INPP5D: variants seen among roughly 807,000 people sequenced by gnomAD.
INPP5D encodes phosphatidylinositol 3,4,5-trisphosphate 5-phosphatase 1.
In INPP5D, 33 loss-of-function variants were observed where a neutral mutation model predicts 122.9. The observed-to-expected ratio is 0.27, with a 90% confidence interval of 0.20 to 0.36. INPP5D has a LOEUF of 0.36. INPP5D is among the 10% of genes least tolerant of loss of function. The pLI is 1.00. For missense variants in INPP5D, 1,053 were observed against 1,412.7 expected (o/e 0.75, Z 4.08); for synonymous variants, 584 against 576.2 (o/e 1.01, Z -0.19).
rs774161204 is a variant in INPP5D, at chr2:233,198,174, A to G, written c.2773A>G (p.Met925Val). ...YMGVGPFGPP[M>V]PLHVKQTLSP... Reference sequence around the variant, plus strand: ...GGGAGTGGGGCCCTTTGGGCCACCAATGCCCCTGCACGTGAAGCAGACCTT... The same window carrying G: ...GGGAGTGGGGCCCTTTGGGCCACCAGTGCCCCTGCACGTGAAGCAGACCTT... The change falls in exon 25 of 27, where the codon ATG (methionine) becomes GTG (valine). Residue 925 changes from methionine to valine, a missense_variant. Physicochemically the swap from Met to Val is conservative, Grantham distance 21. This residue lies in a region of INPP5D where 417 missense variants were observed against 425.8 expected (regional missense o/e 0.98). Transcript: ENST00000445964. 3.3e-5 allele frequency: 54 copies of G among 1,613,424 alleles called. No individual in the cohort carries two copies. The highest frequency in any genetic ancestry group is 4.3e-5 in the Non-Finnish European group (51 of 1,179,886).
rs535596435 is a variant in INPP5D, at chr2:233,078,839, C to T, written c.135-496C>T. Among the ~76,000 whole-genome samples the T allele has an allele frequency of 1.1e-4, 16 of 152,206 alleles. No individual in the cohort carries two copies. In the South Asian group the frequency reaches 2.3e-3, roughly 22 times the overall value. ...CTGGGACTACAGGTGTGCGCCACCA[C>T]GCCCAGCTAATTTTTGTATTTTTAG... On this transcript the variant is annotated intron_variant, in intron 1 of 26. Transcript: ENST00000445964. This position sits in a 1 kb window ranked among gnomAD's most constrained non-coding sequence, Gnocchi z 4.6.
intron 1 of INPP5D, among the ~76,000 whole-genome samples, chr2:233,071,696 A>C (rs1691387151): frequency 1.3e-5 from 2 of 152,148 alleles, no homozygotes; most frequent in Non-Finnish European, 2.9e-5. Flanking sequence ...TAAATTTTGT[A>C]ATTTTCTTCA....
chr2:233,084,301 C>T (rs550136550), intron 2 of INPP5D, among the ~76,000 whole-genome samples: 4 of 152,348 alleles, frequency 2.6e-5, no homozygotes, highest in South Asian at 4.1e-4. Flanking sequence ...GTGATCCACC[C>T]GCCTCAGCCT....
rs972362408 is a variant in INPP5D, at chr2:233,197,637, T to C, written c.2694-458T>C. Among the ~76,000 whole-genome samples the C allele has an allele frequency of 2.6e-5, 4 of 152,204 alleles. No homozygotes were observed. Among genetic ancestry groups the C allele is most frequent in the African/African-American group, 7.2e-5 (3 of 41,448 alleles). On this transcript the variant is annotated intron_variant, in intron 24 of 26. Coordinates refer to ENST00000445964, the MANE Select transcript of INPP5D (RefSeq NM_001017915.3). This position sits in a 1 kb window ranked among gnomAD's most constrained non-coding sequence, Gnocchi z 4.4. ...AGAACAGTCTCCCCTTCTTTCTCTC[T>C]TATCTGCTTATCTTCTTATCTCAGA...
At chr2:233,119,176 C>T (rs1215828131) in intron 2 of INPP5D, among the ~76,000 whole-genome samples, 1 of 152,226 alleles carries the variant, frequency 6.6e-6, no homozygotes, top group Non-Finnish European at 1.5e-5. Context: ...ATTCCCAAAT[C>T]TCACATGCTC....
intron 4 of INPP5D, among the ~76,000 whole-genome samples, chr2:233,126,364 G>A (rs1290027769): frequency 6.6e-6 from 1 of 152,206 alleles, no homozygotes; most frequent in Admixed American, 6.5e-5. Context: ...GAGGCTGCCA[G>A]GGCTGCCCTC....
chr2:233,201,261 T>C (rs983036671), intron 25 of INPP5D, among the ~76,000 whole-genome samples: 8 of 152,160 alleles, frequency 5.3e-5, no homozygotes, highest in African/African-American at 1.9e-4. Context: ...CCCCAGGAAA[T>C]GGAGCTCTAA....
chr2:233,152,854 G>T (rs1310419735), intron 9 of INPP5D, among the ~76,000 whole-genome samples: 1 of 116,426 alleles, frequency 8.6e-6, no homozygotes, highest in African/African-American at 3.6e-5. Flanking sequence ...CTATTAGGAG[G>T]TTTTCAGCTG....
chr2:233,166,990 A>G (rs370317703), intron 13 of INPP5D, among the ~76,000 whole-genome samples: 1 of 151,876 alleles, frequency 6.6e-6, no homozygotes, highest in Middle Eastern at 3.4e-3. Context: ...TCTCAAAAAA[A>G]AAAAAAAGTC....
In INPP5D at chr2:233,195,387, C is replaced by T; in HGVS notation, c.2597-12C>T. 1 of 1,613,796 alleles carries T rather than the reference C, an allele frequency of 6.2e-7. No individual in the cohort carries two copies. Among genetic ancestry groups the T allele is most frequent in the South Asian group, 1.1e-5 (1 of 91,092 alleles). On this transcript the variant is annotated splice_polypyrimidine_tract_variant and intron_variant, in intron 23 of 26. Coordinates refer to ENST00000445964, the MANE Select transcript of INPP5D (RefSeq NM_001017915.3). ...GGCCCTCACATGCTCTTTCCCGTCC[C>T]TTTCCTTCCAGACTTTGTGAAGACG...
At chr2:233,159,914 T>G (rs1299522393) in intron 10 of INPP5D, among the ~76,000 whole-genome samples, 1 of 151,866 alleles carries the variant, frequency 6.6e-6, no homozygotes, top group African/African-American at 2.4e-5. Context: ...TGTCCAGAGC[T>G]GTCAGGAATA....
chr2:233,174,579 G>A (rs1359443729), intron 17 of INPP5D, among the ~76,000 whole-genome samples: 1 of 152,126 alleles, frequency 6.6e-6, no homozygotes, highest in African/African-American at 2.4e-5. Context: ...ATCATTTGAG[G>A]CCAGGAGTTT....
At chr2:233,204,950 C>T (rs1263254691) in intron 26 of INPP5D, 6 of 588,648 alleles carry the variant, frequency 1.0e-5, no homozygotes, top group Non-Finnish European at 1.6e-5. Flanking sequence ...CATCCCTGAC[C>T]CTGCATTGCC....
At chr2:233,086,691 GTTAA>G (rs1285399837) in intron 2 of INPP5D, among the ~76,000 whole-genome samples, 2 of 152,170 alleles carry the variant, frequency 1.3e-5, no homozygotes, top group Non-Finnish European at 2.9e-5. Context: ...TGTTTTGTGA[GTTAA>G]TTAATTTCTT....
At chr2:233,181,424 C>G (rs1156776047) in intron 18 of INPP5D, among the ~76,000 whole-genome samples, 1 of 152,092 alleles carries the variant, frequency 6.6e-6, no homozygotes, top group East Asian at 1.9e-4. Flanking sequence ...GAATTCCATC[C>G]TCGTCTCTTC....
chr2:233,136,471 C>T (rs1302201341), intron 5 of INPP5D, among the ~76,000 whole-genome samples: 2 of 95,292 alleles, frequency 2.1e-5, no homozygotes, highest in East Asian at 3.2e-4. Flanking sequence ...AGAGCGAGAC[C>T]GCGTTTAAAA....
rs913660651 is a variant in INPP5D at position 233,201,711 on chromosome 2, G to A, written c.2976-2415G>A. ...ATCTCAGGAAACCCTTCAGTCCTGCGTAAGCAAGGACAACTGGTGACCCCA... is the reference window on the plus strand; with the variant it reads ...ATCTCAGGAAACCCTTCAGTCCTGCATAAGCAAGGACAACTGGTGACCCCA... On this transcript the variant is annotated intron_variant, in intron 25 of 26. Transcript: ENST00000445964. Among the ~76,000 whole-genome samples, 15 of 152,316 alleles carry A rather than the reference G, an allele frequency of 9.8e-5. No homozygotes were observed. The South Asian group carries it at 2.1e-3, about 21-fold the overall frequency.
rs1431669898 is a variant in INPP5D at position 233,161,746 on chromosome 2, T to C, written c.1160T>C (p.Leu387Pro). 1 of 1,613,378 alleles carries C rather than the reference T, an allele frequency of 6.2e-7. No homozygotes were observed. The highest frequency in any genetic ancestry group is 8.5e-7 in the Non-Finnish European group (1 of 1,179,588). Residue 387 changes from leucine (L) to proline (P), a missense_variant, in exon 11 of 27, where the codon CTC becomes CCC. Leu to Pro is a moderately conservative substitution (Grantham distance 98). Transcript: ENST00000445964. ...TAGAAGAGAGAAGGCTTCTGCCAGC[T>C]CCTGCAGCAGATGAAGAACAAGCAC... ...DSKKREGFCQLLQQMKNKHSE... is the reference protein window; with the variant it reads ...DSKKREGFCQPLQQMKNKHSE...
Position 233,170,893 on chromosome 2 carries a change from C to A in INPP5D, c.1901-171C>A, listed in dbSNP as rs1694477679. ...TGCACTCCAGCCTGGCCAACAAAGACAGACTCCGTCTCAAAAAAAAAAAAA... is the reference window on the plus strand; with the variant it reads ...TGCACTCCAGCCTGGCCAACAAAGAAAGACTCCGTCTCAAAAAAAAAAAAA... On this transcript the variant is annotated intron_variant, in intron 16 of 26. Transcript: ENST00000445964. This position sits in a 1 kb window ranked among gnomAD's most constrained non-coding sequence, Gnocchi z 4.5. Among the ~76,000 whole-genome samples the A allele has an allele frequency of 9.0e-6, 1 of 111,578 alleles. No homozygotes were observed. The highest frequency in any genetic ancestry group is 1.1e-4 in the Admixed American group (1 of 9,164). The allele number at this position is 111,578 out of a possible 152,430, so 73.2% of individuals were successfully genotyped here.
Sources: allele counts gnomAD v4.1 joint callset (sites outside exome capture counted in the v4.1 genomes callset), GRCh38; gene constraint gnomAD v4.1.1; regional missense constraint gnomAD v4.1.1; non-coding constraint Gnocchi (gnomAD v3.1); transcripts MANE v1.5; gene names NCBI Gene and HGNC (gene_info 2026-07-23, HGNC 2026-07-21).